Variants in ZNF560 observed in about 807,000 individuals in gnomAD.
ZNF560 encodes zinc finger protein 560.
Under a neutral mutation model 81.8 loss-of-function variants are expected in ZNF560, and 54 were observed. The observed-to-expected ratio is 0.66, with a 90% CI of 0.53 to 0.83. ZNF560 has a LOEUF of 0.83. Among genes scored for constraint, ZNF560 ranks in the 40% least tolerant of loss-of-function variants. The probability of loss-of-function intolerance (pLI) is 0.00; values close to 1 mark genes in which losing one functional copy is unlikely to be tolerated. For synonymous variants in ZNF560, 321 were observed against 317.9 expected, an observed-to-expected ratio of 1.01 and a Z score of -0.10; for missense variants, 940 against 932.4, an observed-to-expected ratio of 1.01 and a Z score of -0.11.
chr19:9,488,411 G>A lies in ZNF560; in HGVS notation c.-57+9717C>T, dbSNP rs80003857. On this transcript the variant is annotated intron_variant, in intron 2 of 9. Coordinates refer to ENST00000301480, the MANE Select transcript of ZNF560 (RefSeq NM_152476.3). ...ACTTTGAGCCTCCCTTACCAGGGAC[G>A]TAGCTTACCCTTTGGTTTCTGAGGA... 2.6e-3 allele frequency among the ~76,000 whole-genome samples: 403 copies of A among 152,126 alleles called. 2 individuals are homozygous for A. Among genetic ancestry groups the A allele is most frequent in the African/African-American group, 9.2e-3 (382 of 41,494 alleles).
the ZNF560 span, among the ~76,000 whole-genome samples, chr19:9,457,375 A>G: frequency 1.3e-5 from 2 of 152,364 alleles, no homozygotes; most frequent in South Asian, 4.1e-4. Context: ...ACAGTTTGCA[A>G]TTACGATTCC....
At chr19:9,477,625 G>T (rs2073223013) in intron 2 of ZNF560, among the ~76,000 whole-genome samples, 1 of 152,214 alleles carries the variant, frequency 6.6e-6, no homozygotes, top group African/African-American at 2.4e-5. Flanking sequence ...ATGCAGAGCA[G>T]CAATCGCAAA....
the ZNF560 span, among the ~76,000 whole-genome samples, chr19:9,446,263 A>C: frequency 6.6e-6 from 1 of 152,030 alleles, no homozygotes; most frequent in Admixed American, 6.6e-5. Context: ...AGATTCTTCA[A>C]ATAGCTGATG....
chr19:9,446,044 C>T, the ZNF560 span, among the ~76,000 whole-genome samples: 907 of 152,046 alleles, frequency 6.0e-3, 6 homozygotes, highest in Non-Finnish European at 8.6e-3. Flanking sequence ...AGAAACCACC[C>T]CTCCCACCCC....
the ZNF560 span, among the ~76,000 whole-genome samples, chr19:9,504,935 A>C: frequency 6.6e-6 from 1 of 152,114 alleles, no homozygotes; most frequent in African/African-American, 2.4e-5. Flanking sequence ...AAGTACAAAA[A>C]TCAGCTGGGT....
intron 2 of ZNF560, among the ~76,000 whole-genome samples, chr19:9,483,019 C>T (rs2073317464): frequency 6.6e-6 from 1 of 152,106 alleles, no homozygotes; most frequent in Admixed American, 6.5e-5. Context: ...GCTACAACCT[C>T]CACCTCCCAG....
At chr19:9,473,474 G>A (rs995368704) in intron 4 of ZNF560, among the ~76,000 whole-genome samples, 3 of 152,020 alleles carry the variant, frequency 2.0e-5, no homozygotes, top group African/African-American at 4.8e-5. Context: ...GCTACTTGGG[G>A]GGCTGAGACA....
At chr19:9,463,435 A>G (rs1367212590), downstream of ZNF560, among the ~76,000 whole-genome samples, 1 of 152,140 alleles carries the variant, frequency 6.6e-6, no homozygotes, top group Non-Finnish European at 1.5e-5. Flanking sequence ...ACTGTGAAAA[A>G]GTTTCAGGAA....
chr19:9,475,843 T>C (rs1479957733), intron 2 of ZNF560, among the ~76,000 whole-genome samples: 1 of 152,124 alleles, frequency 6.6e-6, no homozygotes, highest in Non-Finnish European at 1.5e-5. Flanking sequence ...CCTGACCTCA[T>C]GATCCGCCCA....
At chr19:9,468,390 T>C in intron 9 of ZNF560, 56 bp from the exon 10 acceptor site, 2 of 1,269,424 alleles carry the variant, frequency 1.6e-6, no homozygotes, top group Admixed American at 4.9e-5. Flanking sequence ...TATTAATAGA[T>C]ACCACTCTTC....
chr19:9,457,532 T>C, the ZNF560 span, among the ~76,000 whole-genome samples: 2 of 152,228 alleles, frequency 1.3e-5, no homozygotes, highest in Admixed American at 6.5e-5. Context: ...ACATTATTCA[T>C]CATATGGATG....
At chr19:9,471,885 C>T (rs1219253920) in intron 5 of ZNF560, among the ~76,000 whole-genome samples, 3 of 152,014 alleles carry the variant, frequency 2.0e-5, no homozygotes, top group South Asian at 2.1e-4. Context: ...CTGAGGTGGG[C>T]GGATCACAAG....
Position 9,466,666 on chromosome 19 carries a change from T to C in ZNF560, c.2281A>G (p.Thr761Ala). Residue 761 changes from threonine to alanine, a missense_variant, in exon 10 of 10, where the codon ACT (threonine) becomes GCT (alanine). By Grantham distance (58) the Thr-to-Ala change is moderately conservative. Transcript: ENST00000301480. ...TSSGRIQHLRTHMGEKPFECD... is the reference protein window; with the variant it reads ...TSSGRIQHLRAHMGEKPFECD... The stretch of plus-strand genomic sequence containing the variant: ...TCAAAGGGTTTCTCTCCCATATGAG[T>C]TCTTAAATGTTGAATACGTCCTGAG... 1 of 1,614,076 alleles carries C rather than the reference T, an allele frequency of 6.2e-7. No homozygotes were observed. Among genetic ancestry groups the C allele is most frequent in the Non-Finnish European group, 8.5e-7 (1 of 1,180,002 alleles).
the ZNF560 span, among the ~76,000 whole-genome samples, chr19:9,460,993 G>A: frequency 1.0e-3 from 157 of 152,260 alleles, no homozygotes; most frequent in Admixed American, 7.2e-3. Flanking sequence ...AAGAAGTACC[G>A]CAAGAGTTCC....
the ZNF560 span, among the ~76,000 whole-genome samples, chr19:9,448,869 A>G: frequency 6.6e-6 from 1 of 152,212 alleles, no homozygotes; most frequent in African/African-American, 2.4e-5. Flanking sequence ...AACAAAAAAG[A>G]GCACGGATCA....
At position 9,476,042 on chromosome 19, in the gene ZNF560, C is replaced by T. The variant is rs58443727; in HGVS notation, c.-56-673G>A. On this transcript the variant is annotated intron_variant, in intron 2 of 9. Transcript: ENST00000301480. ...TAACTTACACAACAGGCCTCTCTGG[C>T]ACACTTCAACAACTCAGAAAGGAAC... 4.5e-3 allele frequency among the ~76,000 whole-genome samples: 682 copies of T among 152,260 alleles called. 8 individuals carry two copies. The highest frequency in any genetic ancestry group is 0.015 in the African/African-American group (626 of 41,528).
At chr19:9,486,543 C>T (rs1019271310) in intron 2 of ZNF560, among the ~76,000 whole-genome samples, 2 of 152,070 alleles carry the variant, frequency 1.3e-5, no homozygotes, top group Non-Finnish European at 2.9e-5. Flanking sequence ...AGTTTGAAAC[C>T]AGCCTGGCCA....
At chr19:9,454,459 G>A in the ZNF560 span, among the ~76,000 whole-genome samples, 1 of 152,194 alleles carries the variant, frequency 6.6e-6, no homozygotes, top group Non-Finnish European at 1.5e-5. Context: ...TGGAGAACAT[G>A]GAACTACGCT....
chr19:9,449,205 C>T, the ZNF560 span, among the ~76,000 whole-genome samples: 3 of 152,176 alleles, frequency 2.0e-5, no homozygotes, highest in Non-Finnish European at 4.4e-5. Flanking sequence ...ATATTCTTCT[C>T]GTCTGCACAC....
Sources: gnomAD v4.1 joint callset for allele counts (sites outside exome capture counted in the v4.1 genomes callset) on GRCh38, gnomAD v4.1.1 for gene constraint, MANE v1.5 for transcripts, NCBI Gene and HGNC (gene_info 2026-07-23, HGNC 2026-07-21) for gene names.